Variants in MTMR7 observed in about 807,000 individuals in gnomAD.
MTMR7 encodes the protein phosphatidylinositol-3-phosphate phosphatase MTMR7.
Under a neutral mutation model 81.2 loss-of-function variants are expected in MTMR7, and 76 were observed. The ratio of observed to expected loss-of-function variants is 0.94; its 90% CI spans 0.78 to 1.13. The LOEUF (loss-of-function observed/expected upper bound fraction) is 1.13, where lower values mean the gene tolerates loss of function less well. Ranked by LOEUF, MTMR7 falls within the 50% of genes most tolerant of loss-of-function variation. MTMR7 has a pLI of 0.00. For synonymous variants in MTMR7, 372 were observed against 289.8 expected (o/e 1.28, Z -2.88); for missense variants, 1,044 against 820.0 (o/e 1.27, Z -3.34).
intron 1 of MTMR7, among the ~76,000 whole-genome samples, chr8:17,401,873 A>C (rs528366777): frequency 6.6e-6 from 1 of 152,308 alleles, no homozygotes; most frequent in Non-Finnish European, 1.5e-5. Flanking sequence ...AATTATTTTA[A>C]TAAGATCCAG....
intron 3 of MTMR7, among the ~76,000 whole-genome samples, chr8:17,363,672 G>T (rs1362583839): frequency 1.3e-5 from 2 of 151,952 alleles, no homozygotes; most frequent in Non-Finnish European, 2.9e-5. Flanking sequence ...CGAGGGCCAG[G>T]AAAAGCCCAT....
At chr8:17,373,071 C>T in intron 2 of MTMR7, 47 bp downstream of exon 2, 1 of 1,603,570 alleles carries the variant, frequency 6.2e-7, no homozygotes, top group Non-Finnish European at 8.5e-7. Flanking sequence ...ACACTTTTTG[C>T]TTCAAACAAC....
In MTMR7 at chr8:17,371,139, G is replaced by A. The variant is rs972723225; in HGVS notation, c.208C>T (p.Leu70=). 3.7e-6 allele frequency: 6 copies of A among 1,614,132 alleles called. No homozygotes were observed. The African/African-American group carries it at 8.0e-5, about 22-fold the overall frequency. The change falls in exon 3 of 14, where the codon CTG becomes TTG. Residue 70 remains leucine (L), a synonymous_variant. Transcript: ENST00000180173. ...KQATTATGCP[L]LIRCKNFQII... is the part of the protein sequence containing the mutation. ...TGAAAGTTCTTGCAGCGAATCAGCA[G>A]AGGGCATCCGGTAGCGGTTGTTGCC...
At chr8:17,349,909 AC>A (rs1276879315) in intron 4 of MTMR7, among the ~76,000 whole-genome samples, 1 of 152,162 alleles carries the variant, frequency 6.6e-6, no homozygotes, top group Non-Finnish European at 1.5e-5. Flanking sequence ...GGGAAGCCAA[AC>A]TACACGGTGC....
chr8:17,375,037 C>T (rs1432814792), intron 1 of MTMR7, among the ~76,000 whole-genome samples: 1 of 150,412 alleles, frequency 6.6e-6, no homozygotes, highest in Non-Finnish European at 1.5e-5. Context: ...TGCAGTGAGC[C>T]GAGATCGCAC....
chr8:17,335,650 A>G (rs1416608883), intron 6 of MTMR7, among the ~76,000 whole-genome samples: 3 of 152,178 alleles, frequency 2.0e-5, no homozygotes, highest in Admixed American at 6.5e-5. Context: ...TCTCCCTCCT[A>G]TATAACTGGT....
intron 10 of MTMR7, among the ~76,000 whole-genome samples, chr8:17,307,155 A>G (rs1001730788): frequency 2.6e-5 from 4 of 152,198 alleles, no homozygotes; most frequent in African/African-American, 9.6e-5. Flanking sequence ...CAAAGGGCTA[A>G]AATCCAGAAT....
Position 17,321,962 on chromosome 8 carries a change from T to C in MTMR7, c.866-8561A>G, listed in dbSNP as rs531966591. Among the ~76,000 whole-genome samples the C allele has an allele frequency of 2.0e-5, 3 of 152,340 alleles. No homozygotes were observed. In the East Asian group the frequency reaches 5.8e-4, roughly 29 times the overall value. On this transcript the variant is annotated intron_variant, in intron 7 of 13. Transcript: ENST00000180173. ...CCTCAGATAATCTGCCTTAGGTATT[T>C]CCTATACCACTCTTATTTTCTCCTA...
At position 17,369,836 on chromosome 8, in the gene MTMR7, G is replaced by A. The variant is rs536069432; in HGVS notation, c.310+1201C>T. On this transcript the variant is annotated intron_variant, in intron 3 of 13. Coordinates refer to ENST00000180173, the MANE Select transcript of MTMR7 (RefSeq NM_004686.5). Reference sequence around the variant, plus strand: ...AATTTTTTGTATTTTTAGTAGAGACGGGGTTTCGCCGTCTTAGCCAGGATG... The same window carrying A: ...AATTTTTTGTATTTTTAGTAGAGACAGGGTTTCGCCGTCTTAGCCAGGATG... Among the ~76,000 whole-genome samples the A allele has an allele frequency of 7.2e-5, 11 of 151,726 alleles. No individual in the cohort carries two copies. In the East Asian group the frequency reaches 1.9e-3, roughly 27 times the overall value.
In MTMR7 at chr8:17,373,240, C is replaced by G; in HGVS notation, c.25G>C (p.Val9Leu). 2 of 1,609,228 alleles carry G rather than the reference C, an allele frequency of 1.2e-6. No individual in the cohort carries two copies. Among genetic ancestry groups the G allele is most frequent in the Non-Finnish European group, 1.7e-6 (2 of 1,177,958 alleles). The change falls in exon 2 of 14, where the codon GTT becomes CTT. Residue 9 changes from valine (V) to leucine (L), a missense_variant and splice_region_variant. Transcript: ENST00000180173. Reference protein sequence around the residue: MEHIRTPKVENVRLVDRVS... With the variant: MEHIRTPKLENVRLVDRVS... ...CGATCTACCAAGCGGACATTTTCAACCTAGAGAAATCGGCATGATGAAAAG... is the reference window on the plus strand; with the variant it reads ...CGATCTACCAAGCGGACATTTTCAAGCTAGAGAAATCGGCATGATGAAAAG...
At chr8:17,333,201 C>T (rs188664126) in intron 6 of MTMR7, among the ~76,000 whole-genome samples, 1 of 152,098 alleles carries the variant, frequency 6.6e-6, no homozygotes, top group African/African-American at 2.4e-5. Context: ...ATCTTTCTCC[C>T]AGGCATGCTA....
chr8:17,397,193 G>A (rs550736225), intron 1 of MTMR7, among the ~76,000 whole-genome samples: 2 of 152,034 alleles, frequency 1.3e-5, no homozygotes, highest in East Asian at 2.0e-4. Context: ...AAAAACAGAG[G>A]GAAAAGTTAA....
intron 7 of MTMR7, among the ~76,000 whole-genome samples, chr8:17,318,057 C>G (rs1384184806): frequency 6.6e-6 from 1 of 152,032 alleles, no homozygotes; most frequent in Non-Finnish European, 1.5e-5. Context: ...CTACATCAAA[C>G]TGAGCTGTTA....
In MTMR7 at chr8:17,385,496, C is replaced by A. The variant is rs6996692; in HGVS notation, c.25-12256G>T. Among the ~76,000 whole-genome samples, 1,130 of 152,278 alleles carry A rather than the reference C, an allele frequency of 7.4e-3. 7 individuals are homozygous for A. Among genetic ancestry groups the A allele is most frequent in the African/African-American group, 0.026 (1,073 of 41,546 alleles). On this transcript the variant is annotated intron_variant, in intron 1 of 13. Coordinates refer to ENST00000180173, the MANE Select transcript of MTMR7 (RefSeq NM_004686.5). ...CTGCATAAGCCTTCTCTCTTGCCCA[C>A]CACCACGTAAGAAGTCTCTTTGCTC...
At chr8:17,395,319 T>C (rs1238503202) in intron 1 of MTMR7, among the ~76,000 whole-genome samples, 1 of 152,216 alleles carries the variant, frequency 6.6e-6, no homozygotes, top group Non-Finnish European at 1.5e-5. Context: ...TGTTCATTTG[T>C]TGATGGACTC....
chr8:17,358,982 C>G (rs1819980576), intron 4 of MTMR7, among the ~76,000 whole-genome samples: 1 of 152,184 alleles, frequency 6.6e-6, no homozygotes, highest in Non-Finnish European at 1.5e-5. Context: ...CTGCCTCAAC[C>G]TCGCAGGCTC....
intron 7 of MTMR7, among the ~76,000 whole-genome samples, chr8:17,325,865 C>A (rs1419545848): frequency 6.6e-6 from 1 of 152,164 alleles, no homozygotes; most frequent in African/African-American, 2.4e-5. Context: ...GCCTGGCTGA[C>A]TGAATTCACC....
At chr8:17,385,020 G>A (rs1258051397) in intron 1 of MTMR7, among the ~76,000 whole-genome samples, 2 of 152,204 alleles carry the variant, frequency 1.3e-5, no homozygotes, top group Non-Finnish European at 2.9e-5. Flanking sequence ...CTGGTGGGAT[G>A]CACACACAGG....
At chr8:17,349,249 G>C (rs929391410) in intron 4 of MTMR7, 168 bp from the exon 5 acceptor site, 1 of 684,414 alleles carries the variant, frequency 1.5e-6, no homozygotes, top group South Asian at 2.2e-5. Flanking sequence ...GAGGAAGGAA[G>C]TGCCGCTGAT....
Sources: allele counts gnomAD v4.1 joint callset (sites outside exome capture counted in the v4.1 genomes callset), GRCh38; gene constraint gnomAD v4.1.1; transcripts MANE v1.5; gene names NCBI Gene and HGNC (gene_info 2026-07-23, HGNC 2026-07-21).